The following STARD13 variants were observed in gnomAD, a reference collection of about 807,000 sequenced individuals.
The protein encoded by STARD13 is StAR related lipid transfer domain containing 13, also known as stAR-related lipid transfer protein 13.
STARD13 carries 62 observed loss-of-function variants against 106.4 expected under a neutral mutation model. The ratio of observed to expected loss-of-function variants is 0.58; its 90% confidence interval spans 0.48 to 0.72. The LOEUF is 0.72. Ranked by LOEUF, STARD13 falls within the 30% of genes least tolerant of loss-of-function variation. The pLI is 0.00. For synonymous variants in STARD13, 565 were observed against 553.0 expected (o/e 1.02, Z -0.31); for missense variants, 1,387 against 1,424.0 (o/e 0.97, Z 0.42).
the STARD13 span, among the ~76,000 whole-genome samples, chr13:33,559,260 T>C: frequency 6.6e-6 from 1 of 151,646 alleles, no homozygotes; most frequent in Non-Finnish European, 1.5e-5. Context: ...AATAATGTTA[T>C]GTTTTGTTTT....
At chr13:33,484,928 T>C in the STARD13 span, among the ~76,000 whole-genome samples, 20 of 152,330 alleles carry the variant, frequency 1.3e-4, no homozygotes, top group Non-Finnish European at 2.4e-4. Flanking sequence ...TTTCAAAATA[T>C]CAATTTAAGG....
chr13:33,388,438 C>G, the STARD13 span, among the ~76,000 whole-genome samples: 1 of 152,122 alleles, frequency 6.6e-6, no homozygotes, highest in Non-Finnish European at 1.5e-5. Flanking sequence ...CAGGTCTAAC[C>G]GCAGGGCCAC....
the STARD13 span, among the ~76,000 whole-genome samples, chr13:33,528,229 TATATATATATATACATATATATATATAC>T: frequency 4.5e-3 from 592 of 130,922 alleles, 44 homozygotes; most frequent in African/African-American, 0.019. Flanking sequence ...TGTGTGTGTA[TATATATATATATACATATATATATATAC>T]ATATATATAT....
At chr13:33,583,243 A>T in the STARD13 span, among the ~76,000 whole-genome samples, 1 of 152,210 alleles carries the variant, frequency 6.6e-6, no homozygotes. Context: ...TCACAGGTTT[A>T]TCATAATCCA....
chr13:33,312,211 T>G (rs904688512), intron 1 of STARD13, among the ~76,000 whole-genome samples: 6 of 152,234 alleles, frequency 3.9e-5, no homozygotes, highest in African/African-American at 1.4e-4. Context: ...GGTTCCATAT[T>G]TAAACCCATG....
intron 3 of STARD13, among the ~76,000 whole-genome samples, chr13:33,150,103 A>G (rs1254834841): frequency 6.6e-6 from 1 of 152,230 alleles, no homozygotes; most frequent in Non-Finnish European, 1.5e-5. Flanking sequence ...TCTAATCCCC[A>G]TAAATCCTAG....
the STARD13 span, among the ~76,000 whole-genome samples, chr13:33,406,539 G>A: frequency 1.3e-5 from 2 of 152,110 alleles, no homozygotes; most frequent in East Asian, 1.9e-4. Context: ...AGGATGCCTC[G>A]TTTAATCTAG....
intron 1 of STARD13, among the ~76,000 whole-genome samples, chr13:33,313,236 G>A (rs989232719): frequency 1.3e-5 from 2 of 151,524 alleles, no homozygotes; most frequent in African/African-American, 4.9e-5. Context: ...CAGGATATTT[G>A]GAATGAAAAA....
At chr13:33,188,531 A>G (rs1015696326) in intron 1 of STARD13, among the ~76,000 whole-genome samples, 4 of 152,190 alleles carry the variant, frequency 2.6e-5, no homozygotes, top group African/African-American at 9.7e-5. Flanking sequence ...CACTGTAAAT[A>G]TCACTCACAA....
the STARD13 span, among the ~76,000 whole-genome samples, chr13:33,357,061 G>C: frequency 1.3e-5 from 2 of 152,176 alleles, no homozygotes; most frequent in Non-Finnish European, 2.9e-5. Context: ...GTAAATAATA[G>C]GAAAGTTTAG....
chr13:33,296,546 C>T (rs1051153684), intron 1 of STARD13, among the ~76,000 whole-genome samples: 1 of 152,052 alleles, frequency 6.6e-6, no homozygotes, highest in Non-Finnish European at 1.5e-5. Context: ...CAGAACTTAG[C>T]ATCTCCCCCA....
intron 1 of STARD13, among the ~76,000 whole-genome samples, chr13:33,312,559 A>G (rs1012303003): frequency 2.0e-5 from 3 of 152,248 alleles, no homozygotes; most frequent in Non-Finnish European, 4.4e-5. Flanking sequence ...TGGTATCATT[A>G]AAACAAGGAG....
chr13:33,163,887 A>C (rs1883037873), intron 3 of STARD13, among the ~76,000 whole-genome samples: 1 of 151,784 alleles, frequency 6.6e-6, no homozygotes, highest in Non-Finnish European at 1.5e-5. Flanking sequence ...AAACTGAGAG[A>C]TAAAACTCAG....
chr13:33,537,927 G>T, the STARD13 span, among the ~76,000 whole-genome samples: 1 of 152,058 alleles, frequency 6.6e-6, no homozygotes, highest in African/African-American at 2.4e-5. Context: ...GAGAACTAGG[G>T]CATTGCCTAG....
intron 3 of STARD13, among the ~76,000 whole-genome samples, chr13:33,159,998 T>C (rs1479957230): frequency 6.6e-6 from 1 of 152,136 alleles, no homozygotes; most frequent in African/African-American, 2.4e-5. Context: ...AAAATGTATA[T>C]GGAAAGTCAG....
intron 1 of STARD13, among the ~76,000 whole-genome samples, chr13:33,189,521 G>A (rs1439238411): frequency 1.3e-5 from 2 of 150,902 alleles, no homozygotes; most frequent in African/African-American, 4.9e-5. Flanking sequence ...CAGTCCTTCC[G>A]ATGGCACTTT....
intron 1 of STARD13, among the ~76,000 whole-genome samples, chr13:33,175,131 CA>C (rs1884377319): frequency 6.6e-6 from 1 of 152,186 alleles, no homozygotes; most frequent in Admixed American, 6.5e-5. Flanking sequence ...CTCTCCCAGC[CA>C]AATAGTTTCT....
At chr13:33,457,745 G>A in the STARD13 span, among the ~76,000 whole-genome samples, 1 of 152,122 alleles carries the variant, frequency 6.6e-6, no homozygotes, top group Non-Finnish European at 1.5e-5. Flanking sequence ...GGATCTTTTT[G>A]GGGCCTCTTT....
chr13:33,668,368 G>C, the STARD13 span, among the ~76,000 whole-genome samples: 1 of 152,330 alleles, frequency 6.6e-6, no homozygotes, highest in East Asian at 1.9e-4. Flanking sequence ...TAAATGAAAT[G>C]ATGATGTCTT....
Sources: allele counts gnomAD v4.1 joint callset (sites outside exome capture counted in the v4.1 genomes callset), GRCh38; gene constraint gnomAD v4.1.1; transcripts MANE v1.5; gene names NCBI Gene and HGNC (gene_info 2026-07-23, HGNC 2026-07-21).